COL11A1: variants seen among roughly 807,000 people sequenced by gnomAD.
The protein encoded by COL11A1 is collagen type XI alpha 1 chain.
A neutral mutation model predicts 265.2 loss-of-function variants in COL11A1; 74 were observed. The ratio of observed to expected loss-of-function variants is 0.28; its 90% confidence interval spans 0.23 to 0.34. COL11A1 has a LOEUF of 0.34. Among genes scored for constraint, COL11A1 ranks in the 10% least tolerant of loss-of-function variants. COL11A1 has a pLI of 1.00. For synonymous variants in COL11A1, 816 were observed against 727.6 expected, an observed-to-expected ratio of 1.12 and a Z score of -1.96; for missense variants, 2,165 against 2,263.6, an observed-to-expected ratio of 0.96 and a Z score of 0.88.
intron 2 of COL11A1, among the ~76,000 whole-genome samples, chr1:103,080,414 A>G (rs1331072654): frequency 6.6e-6 from 1 of 151,950 alleles, no homozygotes. Context: ...ATATTTGCAA[A>G]CTATACATCT....
At chr1:103,047,039 G>T (rs4300244) in intron 4 of COL11A1, among the ~76,000 whole-genome samples, 142,540 of 152,218 alleles carry the variant, frequency 0.94, 66,974 homozygotes, top group East Asian at 1. Context: ...TCAGGTAGTG[G>T]GATGCCTCCA....
chr1:102,897,921 G>A (rs962104996), intron 57 of COL11A1, among the ~76,000 whole-genome samples: 1 of 152,100 alleles, frequency 6.6e-6, no homozygotes, highest in Non-Finnish European at 1.5e-5. Context: ...GCATAAGAAA[G>A]AAACAAATCT....
intron 49 of COL11A1, among the ~76,000 whole-genome samples, chr1:102,917,344 G>C (rs902483041): frequency 2.6e-5 from 4 of 151,818 alleles, no homozygotes; most frequent in Admixed American, 2.0e-4. Flanking sequence ...ACTCAAGAAG[G>C]ATTCAAGAAT....
intron 54 of COL11A1, among the ~76,000 whole-genome samples, chr1:102,906,202 T>A (rs2622835): frequency 6.6e-6 from 1 of 151,964 alleles, no homozygotes; most frequent in Non-Finnish European, 1.5e-5. Context: ...TTATTATGCC[T>A]GCTTTTTAAA....
chr1:103,102,603 T>C (rs1281756563), intron 1 of COL11A1, among the ~76,000 whole-genome samples: 5 of 152,024 alleles, frequency 3.3e-5, no homozygotes, highest in Non-Finnish European at 5.9e-5. Context: ...ACGCCATCCA[T>C]GCTTGATTAC....
intron 1 of COL11A1, among the ~76,000 whole-genome samples, chr1:103,092,605 G>T (rs1448217160): frequency 1.3e-5 from 2 of 152,040 alleles, no homozygotes; most frequent in Non-Finnish European, 2.9e-5. Flanking sequence ...GTAATCATTT[G>T]TTAGCCACCT....
At chr1:103,066,263 G>C (rs916743200) in intron 4 of COL11A1, among the ~76,000 whole-genome samples, 6 of 151,764 alleles carry the variant, frequency 4.0e-5, no homozygotes, top group Non-Finnish European at 8.8e-5. Context: ...TATCTTAAAA[G>C]CTTTAAAATA....
chr1:102,926,497 T>A (rs1656615276), intron 46 of COL11A1, among the ~76,000 whole-genome samples: 2 of 152,158 alleles, frequency 1.3e-5, no homozygotes, highest in African/African-American at 4.8e-5. Flanking sequence ...CTAATATCTA[T>A]TCTGCCATGA....
At chr1:102,911,865 C>T (rs1342881287) in intron 54 of COL11A1, among the ~76,000 whole-genome samples, 1 of 152,118 alleles carries the variant, frequency 6.6e-6, no homozygotes, top group African/African-American at 2.4e-5. Context: ...GTTCAGGATA[C>T]CACCAAAGTC....
At chr1:102,927,681 G>A (rs1656779023) in intron 46 of COL11A1, among the ~76,000 whole-genome samples, 1 of 151,888 alleles carries the variant, frequency 6.6e-6, no homozygotes, top group African/African-American at 2.4e-5. Flanking sequence ...AGAATAGAAG[G>A]TATCTGTTCT....
intron 54 of COL11A1, among the ~76,000 whole-genome samples, chr1:102,900,099 C>T (rs1030251112): frequency 6.6e-6 from 1 of 151,994 alleles, no homozygotes; most frequent in East Asian, 1.9e-4. Flanking sequence ...TTCAATTCCA[C>T]GAACTCATTT....
At chr1:103,079,294 C>T (rs910447702) in intron 2 of COL11A1, among the ~76,000 whole-genome samples, 1 of 152,040 alleles carries the variant, frequency 6.6e-6, no homozygotes, top group Non-Finnish European at 1.5e-5. Flanking sequence ...AATTTACAAA[C>T]GTATTCTTTC....
chr1:102,992,136 T>C (rs1664203802), intron 28 of COL11A1, among the ~76,000 whole-genome samples: 1 of 152,130 alleles, frequency 6.6e-6, no homozygotes, highest in Non-Finnish European at 1.5e-5. Flanking sequence ...GGGAGGCTAT[T>C]TTTCTCATGT....
At chr1:103,029,612 T>A (rs180818500) in intron 5 of COL11A1, among the ~76,000 whole-genome samples, 36 of 152,154 alleles carry the variant, frequency 2.4e-4, no homozygotes, top group Non-Finnish European at 8.8e-5. Flanking sequence ...GTAAAAATGC[T>A]ATATATTATT....
At position 103,006,178 on chromosome 1, in the gene COL11A1, A is replaced by AAAAT. The variant is rs59259783; in HGVS notation, c.1738-61_1738-58dup. ...TGACTTTTATTACTAGCAAGGAAGT[A>AAAAT]AAATAAATAAATAAATAAATAAATA... On this transcript the variant is annotated intron_variant, in intron 16 of 66. Coordinates refer to ENST00000370096, the MANE Select transcript of COL11A1 (RefSeq NM_001854.4). 30,100 of 952,474 alleles carry AAAAT rather than the reference A, an allele frequency of 0.032. 1,191 individuals carry two copies. The highest frequency in any genetic ancestry group is 0.063 in the South Asian group (2,566 of 40,684). The allele number at this position is 952,474 out of a possible 1,614,324, so 59.0% of individuals were successfully genotyped here. A position where few individuals can be genotyped will look rare whatever the true frequency, so the allele number is the denominator to read the frequency against.
At chr1:103,091,265 C>T (rs1673298830) in intron 1 of COL11A1, among the ~76,000 whole-genome samples, 2 of 151,890 alleles carry the variant, frequency 1.3e-5, no homozygotes, top group South Asian at 2.1e-4. Flanking sequence ...TACATATATT[C>T]CACATACCAA....
At chr1:102,964,988 G>T (rs1661268736) in intron 38 of COL11A1, among the ~76,000 whole-genome samples, 1 of 151,954 alleles carries the variant, frequency 6.6e-6, no homozygotes, top group Non-Finnish European at 1.5e-5. Context: ...TATCCTCAAA[G>T]ATAATTAATA....
At chr1:102,950,914 G>T (rs2061709) in intron 41 of COL11A1, among the ~76,000 whole-genome samples, 1 of 152,062 alleles carries the variant, frequency 6.6e-6, no homozygotes, top group East Asian at 1.9e-4. Context: ...AGTTCTTATG[G>T]GATCTGATGG....
chr1:102,999,533 A>T (rs17507449), intron 24 of COL11A1, among the ~76,000 whole-genome samples: 3,607 of 151,946 alleles, frequency 0.024, 81 homozygotes, highest in Non-Finnish European at 0.029. Flanking sequence ...TATTTAGGAG[A>T]TATCACAATT....
Sources: gnomAD v4.1 joint callset for allele counts (sites outside exome capture counted in the v4.1 genomes callset) on GRCh38, gnomAD v4.1.1 for gene constraint, MANE v1.5 for transcripts, NCBI Gene and HGNC (gene_info 2026-07-23, HGNC 2026-07-21) for gene names.